KSR2: variants seen among roughly 807,000 people sequenced by gnomAD.
KSR2 encodes the protein kinase suppressor of ras 2.
A neutral mutation model predicts 107.8 loss-of-function variants in KSR2; 25 were observed. That is an observed-to-expected ratio of 0.23 (90% CI 0.17 to 0.32). The LOEUF (loss-of-function observed/expected upper bound fraction) is 0.32. KSR2 is among the 10% of genes least tolerant of loss of function. The pLI is 1.00. For synonymous variants in KSR2, 480 were observed against 507.0 expected (o/e 0.95, Z 0.71); for missense variants, 887 against 1,268.9 (o/e 0.70, Z 4.57).
chr12:117,484,892 C>T (rs1252469186), intron 15 of KSR2, among the ~76,000 whole-genome samples: 1 of 152,208 alleles, frequency 6.6e-6, no homozygotes, highest in Admixed American at 6.5e-5. Flanking sequence ...TAAATACTAA[C>T]TCTTCCGCAA....
chr12:117,769,356 G>C (rs1394573859), intron 3 of KSR2, among the ~76,000 whole-genome samples: 2 of 152,096 alleles, frequency 1.3e-5, no homozygotes, highest in Admixed American at 6.5e-5. Context: ...GTCTGGAAGA[G>C]GGGGGATCAT....
At chr12:117,591,599 G>GT (rs1880321092) in intron 5 of KSR2, among the ~76,000 whole-genome samples, 1 of 152,076 alleles carries the variant, frequency 6.6e-6, no homozygotes, top group Admixed American at 6.5e-5. Flanking sequence ...TGAAGGGCTG[G>GT]TATGTGGCGG....
At chr12:117,584,839 G>A (rs1050609774) in intron 5 of KSR2, among the ~76,000 whole-genome samples, 7 of 152,152 alleles carry the variant, frequency 4.6e-5, no homozygotes, top group African/African-American at 7.2e-5. Context: ...CATTATTCCC[G>A]TTGTGCAAAG....
intron 5 of KSR2, among the ~76,000 whole-genome samples, chr12:117,660,693 CAG>C (rs1458538400): frequency 6.6e-6 from 1 of 152,164 alleles, no homozygotes; most frequent in Non-Finnish European, 1.5e-5. Flanking sequence ...CCTCATTAAA[CAG>C]GGGTGGAAAT....
intron 1 of KSR2, among the ~76,000 whole-genome samples, chr12:117,869,195 A>G (rs2137277607): frequency 6.6e-6 from 1 of 152,154 alleles, no homozygotes; most frequent in South Asian, 2.1e-4. Flanking sequence ...AACATGGTGA[A>G]ATCCCAACTC....
chr12:117,586,659 A>AAGAAAG (rs375547251), intron 5 of KSR2, among the ~76,000 whole-genome samples: 1 of 151,844 alleles, frequency 6.6e-6, no homozygotes, highest in African/African-American at 2.4e-5. Flanking sequence ...GAAAGAAAGA[A>AAGAAAG]AAATATAGTA....
At chr12:117,733,531 C>T (rs1484680745) in intron 4 of KSR2, among the ~76,000 whole-genome samples, 1 of 152,174 alleles carries the variant, frequency 6.6e-6, no homozygotes, top group Non-Finnish European at 1.5e-5. Flanking sequence ...TGCACACTGT[C>T]TACGGCTGCT....
intron 14 of KSR2, chr12:117,517,816 A>G: frequency 2.2e-6 from 1 of 455,886 alleles, no homozygotes; most frequent in South Asian, 1.6e-5. Flanking sequence ...CAGGCCCCCC[A>G]ACTCCTGTAC....
chr12:117,687,847 G>T (rs1217325829), intron 4 of KSR2, among the ~76,000 whole-genome samples: 1 of 152,030 alleles, frequency 6.6e-6, no homozygotes, highest in Non-Finnish European at 1.5e-5. Flanking sequence ...TCTAGTAGTG[G>T]TCCCTCCCAA....
intron 9 of KSR2, among the ~76,000 whole-genome samples, chr12:117,548,297 T>C (rs964662771): frequency 1.3e-5 from 2 of 152,198 alleles, no homozygotes; most frequent in African/African-American, 2.4e-5. Context: ...CTTCCACCTC[T>C]GCCACTTCTG....
chr12:117,539,673 C>T (rs777857272), intron 10 of KSR2, 46 bp downstream of exon 10: 19 of 1,523,970 alleles, frequency 1.2e-5, no homozygotes, highest in Middle Eastern at 2.4e-4. Context: ...CTAATCTCTG[C>T]CCCTCCAACG....
At chr12:117,703,388 TTGAGAG>T (rs1453625821) in intron 4 of KSR2, among the ~76,000 whole-genome samples, 1 of 152,112 alleles carries the variant, frequency 6.6e-6, no homozygotes, top group Non-Finnish European at 1.5e-5. Flanking sequence ...ATACCCAACC[TTGAGAG>T]TGGGCACCTC....
intron 5 of KSR2, among the ~76,000 whole-genome samples, chr12:117,665,908 T>C (rs1884639375): frequency 6.6e-6 from 1 of 152,246 alleles, no homozygotes; most frequent in South Asian, 2.1e-4. Flanking sequence ...TGGCTGTTGC[T>C]ACACACTGGA....
chr12:117,697,893 A>G (rs770489762), intron 4 of KSR2, among the ~76,000 whole-genome samples: 5 of 152,168 alleles, frequency 3.3e-5, no homozygotes, highest in Non-Finnish European at 5.9e-5. Context: ...TTAAATTTAG[A>G]TGAGTTCATA....
At chr12:117,772,583 C>T (rs1329373465) in intron 3 of KSR2, among the ~76,000 whole-genome samples, 5 of 147,934 alleles carry the variant, frequency 3.4e-5, no homozygotes, top group Non-Finnish European at 7.5e-5. Context: ...TACACACACA[C>T]CATTCCCCCA....
intron 1 of KSR2, among the ~76,000 whole-genome samples, chr12:117,894,119 A>G (rs1593347374): frequency 1.3e-5 from 2 of 152,008 alleles, no homozygotes; most frequent in East Asian, 3.9e-4. Context: ...CCGTGTTAGC[A>G]AGGATGGTTT....
At chr12:117,819,191 T>C (rs531596354) in intron 3 of KSR2, among the ~76,000 whole-genome samples, 36 of 152,224 alleles carry the variant, frequency 2.4e-4, no homozygotes, top group African/African-American at 8.4e-4. Context: ...TTGAGCTCAT[T>C]CAAGGATTGA....
intron 16 of KSR2, among the ~76,000 whole-genome samples, chr12:117,477,567 A>G (rs1287236378): frequency 6.6e-6 from 1 of 152,240 alleles, no homozygotes; most frequent in African/African-American, 2.4e-5. Context: ...TAGAGGATGC[A>G]TCAAAGATAA....
intron 3 of KSR2, among the ~76,000 whole-genome samples, chr12:117,815,576 T>C (rs1408637857): frequency 6.6e-6 from 1 of 152,186 alleles, no homozygotes; most frequent in East Asian, 1.9e-4. Flanking sequence ...TTCACAGAGC[T>C]TCTAGACCAA....
Sources: allele counts gnomAD v4.1 joint callset (sites outside exome capture counted in the v4.1 genomes callset), GRCh38; gene constraint gnomAD v4.1.1; transcripts MANE v1.5; gene names NCBI Gene and HGNC (gene_info 2026-07-23, HGNC 2026-07-21).